The following FOLR3 variants were observed in gnomAD, a reference collection of about 807,000 sequenced individuals.
The protein encoded by FOLR3 is folate receptor gamma.
FOLR3 carries 9 observed loss-of-function variants against 20.0 expected under a neutral mutation model. That is an observed-to-expected ratio of 0.45 (90% CI 0.27 to 0.79). The LOEUF (loss-of-function observed/expected upper bound fraction) is 0.79, where lower values mean the gene tolerates loss of function less well. Among genes scored for constraint, FOLR3 ranks in the 30% least tolerant of loss-of-function variants. The pLI is 0.15. For missense variants in FOLR3, 309 were observed against 323.5 expected, an observed-to-expected ratio of 0.96 and a Z score of 0.34; for synonymous variants, 124 against 115.5, an observed-to-expected ratio of 1.07 and a Z score of -0.47.
rs150315685 is a variant in FOLR3 at position 72,137,120 on chromosome 11, G to A, written c.168+1000G>A. On this transcript the variant is annotated intron_variant, in intron 2 of 4. Transcript: ENST00000611028. Reference sequence around the variant, plus strand: ...TTGTTTCTCCTGGGTGCTCAGGCCTGTCACGCCTCTGCCATCACTTGACCC... The same window carrying A: ...TTGTTTCTCCTGGGTGCTCAGGCCTATCACGCCTCTGCCATCACTTGACCC... Among the ~76,000 whole-genome samples, 7 of 152,306 alleles carry A rather than the reference G, an allele frequency of 4.6e-5. No homozygotes were observed. The East Asian group carries it at 1.2e-3, about 25-fold the overall frequency.
Position 72,138,910 on chromosome 11 carries a change from A to G in FOLR3, c.169-51A>G, listed in dbSNP as rs781306137. ...CTGGGGCAGAGGAGCCAGAATATGG[A>G]GGAGATGGCTGTGGTGGGGAGAGAC... On this transcript the variant is annotated intron_variant, in intron 2 of 4. Transcript: ENST00000611028. 1.9e-4 allele frequency: 297 copies of G among 1,596,136 alleles called. 5 individuals carry two copies. The highest frequency in any genetic ancestry group is 1.7e-4 in the Middle Eastern group (1 of 6,030).
chr11:72,137,489 A>ATT (rs11368822), intron 2 of FOLR3, among the ~76,000 whole-genome samples: 2,089 of 143,394 alleles, frequency 0.015, 53 homozygotes, highest in African/African-American at 0.051. Context: ...CTCAGTTATA[A>ATT]TTTTTTTTTT....
chr11:72,139,620 G>A lies in FOLR3; in HGVS notation c.527G>A (p.Ser176Asn), dbSNP rs771300070. 27 of 1,613,526 alleles carry A rather than the reference G, an allele frequency of 1.7e-5. No homozygotes were observed. The highest frequency in any genetic ancestry group is 1.1e-4 in the African/African-American group (8 of 74,884). The change falls in exon 5 of 5, where the codon AGC becomes AAC. Residue 176 changes from serine to asparagine, a missense_variant. Coordinates refer to ENST00000611028, the MANE Select transcript of FOLR3 (RefSeq NM_000804.4). ...INECPAGALC[S>N]TFESYFPTPA... ...GAGTGTCCGGCCGGGGCCCTCTGCA[G>A]CACCTTTGAGTCCTACTTCCCCACT...
At chr11:72,138,557 G>A (rs1317050113) in intron 2 of FOLR3, among the ~76,000 whole-genome samples, 3 of 152,018 alleles carry the variant, frequency 2.0e-5, no homozygotes, top group African/African-American at 7.2e-5. Context: ...AAGCTGACAT[G>A]AGCCAAGGAG....
chr11:72,136,738 G>C (rs181028605), intron 2 of FOLR3, among the ~76,000 whole-genome samples: 2 of 152,196 alleles, frequency 1.3e-5, no homozygotes, highest in Non-Finnish European at 2.9e-5. Flanking sequence ...CCAGGAAATG[G>C]TGTGGATGTA....
intron 2 of FOLR3, 28 bp from the exon 3 acceptor site, chr11:72,138,933 G>T (rs769073956): frequency 6.2e-7 from 1 of 1,612,352 alleles, no homozygotes; most frequent in Non-Finnish European, 8.5e-7. Context: ...GGTGGGGAGA[G>T]ACTTAGTCCT....
At position 72,139,442 on chromosome 11, in the gene FOLR3, C is replaced by T; in HGVS notation, c.453C>T (p.Thr151=). The change falls in exon 4 of 5, where the codon ACC becomes ACT. Residue 151 remains threonine, a synonymous_variant. Coordinates refer to ENST00000611028, the MANE Select transcript of FOLR3 (RefSeq NM_000804.4). ...GGGAGGACTGTCGCACCTCCTACAC[C>T]TGCAAAAGCAACTGGCACAAAGGCT... ...RWWEDCRTSY[T]CKSNWHKGWN... The T allele has an allele frequency of 6.2e-7, 1 of 1,613,354 alleles. No individual in the cohort carries two copies.
intron 2 of FOLR3, among the ~76,000 whole-genome samples, chr11:72,137,461 G>T (rs1289277917): frequency 2.0e-5 from 3 of 151,342 alleles, no homozygotes; most frequent in Admixed American, 2.0e-4. Flanking sequence ...CCTGGGCCAG[G>T]TTCCTCTCCT....
In FOLR3 at chr11:72,139,132, G is replaced by A. The variant is rs779400298; in HGVS notation, c.340G>A (p.Gly114Arg). 19 of 1,613,520 alleles carry A rather than the reference G, an allele frequency of 1.2e-5. No homozygotes were observed. In the East Asian group the frequency reaches 4.0e-4, roughly 34 times the overall value. Residue 114 changes from glycine to arginine, a missense_variant, in exon 3 of 5, where the codon GGG (glycine) becomes AGG (arginine). Transcript: ENST00000611028. ...TCTCTATGAGTGCTCACCCAACCTG[G>A]GGCCCTGGATCCGGCAGGTATGAGT... Reference protein sequence around the residue: ...SCLYECSPNLGPWIRQVNQSW... With the variant: ...SCLYECSPNLRPWIRQVNQSW...
At position 72,139,430 on chromosome 11, in the gene FOLR3, C is replaced by T. The variant is rs550343421; in HGVS notation, c.441C>T (p.Arg147=). 2 of 1,612,678 alleles carry T rather than the reference C, an allele frequency of 1.2e-6. No individual in the cohort carries two copies. The highest frequency in any genetic ancestry group is 2.7e-5 in the African/African-American group (2 of 75,020). ...GTGAGCGCTGGTGGGAGGACTGTCGCACCTCCTACACCTGCAAAAGCAACT... is the reference window on the plus strand; with the variant it reads ...GTGAGCGCTGGTGGGAGGACTGTCGTACCTCCTACACCTGCAAAAGCAACT... ...EDCERWWEDC[R]TSYTCKSNWH... Residue 147 remains arginine, a synonymous_variant, in exon 4 of 5, where the codon CGC becomes CGT. Coordinates refer to ENST00000611028, the MANE Select transcript of FOLR3 (RefSeq NM_000804.4).
At chr11:72,136,325 GC>G (rs376896992) in intron 2 of FOLR3, among the ~76,000 whole-genome samples, 38 of 152,208 alleles carry the variant, frequency 2.5e-4, no homozygotes, top group African/African-American at 9.2e-4. Flanking sequence ...TCAGGAGTGT[GC>G]TTGTATTTCA....
chr11:72,138,820 C>T (rs1199382218), intron 2 of FOLR3, 141 bp from the exon 3 acceptor site: 1 of 893,248 alleles, frequency 1.1e-6, no homozygotes, highest in Non-Finnish European at 1.8e-6. Flanking sequence ...ATTGTAATTG[C>T]CTCCGTCCCC....
Position 72,136,066 on chromosome 11 carries a change from G to A in FOLR3, c.114G>A (p.Met38Ile). Residue 38 changes from methionine to isoleucine, a missense_variant, in exon 2 of 5, where the codon ATG becomes ATA. Coordinates refer to ENST00000611028, the MANE Select transcript of FOLR3 (RefSeq NM_000804.4). The part of the protein sequence containing the change: ...RARTDLLNVC[M>I]NAKHHKTQPS... ...GGACGGACCTGCTCAATGTCTGCAT[G>A]AACGCCAAGCACCACAAGACACAGC... The A allele has an allele frequency of 1.2e-6, 2 of 1,614,082 alleles. No homozygotes were observed. Among genetic ancestry groups the A allele is most frequent in the Non-Finnish European group, 1.7e-6 (2 of 1,179,938 alleles).
At position 72,139,701 on chromosome 11, in the gene FOLR3, G is replaced by C; in HGVS notation, c.608G>C (p.Ser203Thr). Residue 203 changes from serine to threonine, a missense_variant, in exon 5 of 5, where the codon AGT (serine) becomes ACT (threonine). Ser to Thr is a moderately conservative substitution (Grantham distance 58). Coordinates refer to ENST00000611028, the MANE Select transcript of FOLR3 (RefSeq NM_000804.4). Reference protein sequence around the residue: ...WSHSFKVSNYSRGSGRCIQMW... With the variant: ...WSHSFKVSNYTRGSGRCIQMW... ...CACTCCTTCAAGGTCAGCAACTATA[G>C]TCGAGGGAGCGGCCGCTGCATCCAG... The C allele has an allele frequency of 6.2e-7, 1 of 1,613,880 alleles. No homozygotes were observed. The highest frequency in any genetic ancestry group is 8.5e-7 in the Non-Finnish European group (1 of 1,179,986).
In FOLR3 at chr11:72,139,706, G is replaced by T. The variant is rs775238809; in HGVS notation, c.613G>T (p.Gly205Trp). 6 of 1,613,844 alleles carry T rather than the reference G, an allele frequency of 3.7e-6. No individual in the cohort carries two copies. Among genetic ancestry groups the T allele is most frequent in the East Asian group, 2.2e-5 (1 of 44,890 alleles). Reference protein sequence around the residue: ...HSFKVSNYSRGSGRCIQMWFD... With the variant: ...HSFKVSNYSRWSGRCIQMWFD... ...CTTCAAGGTCAGCAACTATAGTCGAGGGAGCGGCCGCTGCATCCAGATGTG... is the reference window on the plus strand; with the variant it reads ...CTTCAAGGTCAGCAACTATAGTCGATGGAGCGGCCGCTGCATCCAGATGTG... The change falls in exon 5 of 5, where the codon GGG becomes TGG. Residue 205 changes from glycine (G) to tryptophan (W), a missense_variant. Coordinates refer to ENST00000611028, the MANE Select transcript of FOLR3 (RefSeq NM_000804.4).
chr11:72,139,192 G>A (rs1330001472), intron 3 of FOLR3, 43 bp downstream of exon 3: 11 of 1,582,394 alleles, frequency 7.0e-6, no homozygotes, highest in East Asian at 4.5e-5. Context: ...AGCAGAGGGC[G>A]GAGCCTGCCA....
chr11:72,138,556 T>C (rs1212898883), intron 2 of FOLR3, among the ~76,000 whole-genome samples: 1 of 151,984 alleles, frequency 6.6e-6, no homozygotes, highest in East Asian at 1.9e-4. Flanking sequence ...GAAGCTGACA[T>C]GAGCCAAGGA....
At chr11:72,138,089 G>A (rs541979144) in intron 2 of FOLR3, among the ~76,000 whole-genome samples, 44 of 152,290 alleles carry the variant, frequency 2.9e-4, no homozygotes, top group African/African-American at 9.1e-4. Flanking sequence ...GAAATAGGCC[G>A]AACGCGGTGA....
intron 2 of FOLR3, among the ~76,000 whole-genome samples, chr11:72,138,302 G>T (rs962920629): frequency 2.0e-5 from 3 of 152,084 alleles, no homozygotes; most frequent in East Asian, 1.9e-4. Context: ...GGAGGTGGAG[G>T]TTGCAGTGAG....
Sources: gnomAD v4.1 joint callset for allele counts (sites outside exome capture counted in the v4.1 genomes callset) on GRCh38, gnomAD v4.1.1 for gene constraint, MANE v1.5 for transcripts, NCBI Gene and HGNC (gene_info 2026-07-23, HGNC 2026-07-21) for gene names.